The following PTPRQ variants were observed in gnomAD, a reference collection of about 807,000 sequenced individuals.
The protein encoded by PTPRQ is protein tyrosine phosphatase receptor type Q.
In PTPRQ, 199 loss-of-function variants were observed where a neutral mutation model predicts 246.0. The observed-to-expected ratio is 0.81, with a 90% CI of 0.72 to 0.91. The LOEUF (loss-of-function observed/expected upper bound fraction) is 0.91, where lower values mean the gene tolerates loss of function less well. Ranked by LOEUF, PTPRQ falls within the 40% of genes least tolerant of loss-of-function variation. The pLI is 0.00. For missense variants in PTPRQ, 2,624 were observed against 2,528.4 expected, an observed-to-expected ratio of 1.04 and a Z score of -0.81; for synonymous variants, 869 against 853.2, an observed-to-expected ratio of 1.02 and a Z score of -0.32.
At chr12:80,445,820 T>C in intron 3 of PTPRQ, 103 bp downstream of exon 3, 6 of 763,594 alleles carry the variant, frequency 7.9e-6, no homozygotes, top group South Asian at 6.3e-5. Flanking sequence ...CTGAATACAG[T>C]CAGTGACTGA....
At chr12:80,479,067 A>G (rs1326158026) in intron 8 of PTPRQ, among the ~76,000 whole-genome samples, 6 of 151,756 alleles carry the variant, frequency 4.0e-5, no homozygotes, top group South Asian at 2.1e-4. Context: ...TCCAAGACAC[A>G]TAATTGTCAG....
At chr12:80,637,197 G>T (rs1161733196) in intron 35 of PTPRQ, among the ~76,000 whole-genome samples, 1 of 52,664 alleles carries the variant, frequency 1.9e-5, no homozygotes, top group East Asian at 4.1e-4. Context: ...AAAAAGAGTA[G>T]ATTTTTTTTT....
At chr12:80,457,203 T>C (rs1285902079) in intron 3 of PTPRQ, among the ~76,000 whole-genome samples, 7 of 152,122 alleles carry the variant, frequency 4.6e-5, no homozygotes, top group Non-Finnish European at 7.4e-5. Flanking sequence ...TAAGGTACCA[T>C]ATACATGGTC....
At chr12:80,663,531 C>T (rs1371090604) in intron 39 of PTPRQ, among the ~76,000 whole-genome samples, 1 of 151,988 alleles carries the variant, frequency 6.6e-6, no homozygotes, top group Non-Finnish European at 1.5e-5. Context: ...GCATAGGACA[C>T]ACCATTGCTC....
intron 17 of PTPRQ, among the ~76,000 whole-genome samples, chr12:80,513,781 G>T (rs1895196256): frequency 6.6e-6 from 1 of 151,986 alleles, no homozygotes; most frequent in Non-Finnish European, 1.5e-5. Flanking sequence ...TCCTATTTTC[G>T]GTTTTATCCT....
chr12:80,656,024 G>A (rs1310507681), intron 38 of PTPRQ, among the ~76,000 whole-genome samples: 2 of 152,164 alleles, frequency 1.3e-5, no homozygotes. Flanking sequence ...AGTTTAGCTT[G>A]TAGTTGACTC....
intron 17 of PTPRQ, among the ~76,000 whole-genome samples, chr12:80,518,775 T>G (rs1380239581): frequency 6.6e-6 from 1 of 152,198 alleles, no homozygotes; most frequent in Non-Finnish European, 1.5e-5. Context: ...TTAGCAAGAA[T>G]GAGTTCATTG....
intron 35 of PTPRQ, among the ~76,000 whole-genome samples, chr12:80,646,196 T>C (rs1038315561): frequency 6.6e-6 from 1 of 152,292 alleles, no homozygotes; most frequent in Admixed American, 6.5e-5. Context: ...ATACTATTGA[T>C]AGTAACCAAT....
chr12:80,628,542 ATTC>A (rs1001590507), intron 33 of PTPRQ, among the ~76,000 whole-genome samples: 4 of 152,164 alleles, frequency 2.6e-5, no homozygotes, highest in African/African-American at 9.7e-5. Flanking sequence ...TAATTTTTAT[ATTC>A]TTATTTGGTT....
chr12:80,634,437 C>A (rs1899562265), intron 34 of PTPRQ, among the ~76,000 whole-genome samples: 1 of 152,022 alleles, frequency 6.6e-6, no homozygotes, highest in Admixed American at 6.6e-5. Flanking sequence ...TATCTACTCA[C>A]AATATTTTTA....
intron 43 of PTPRQ, among the ~76,000 whole-genome samples, chr12:80,676,849 A>C (rs562694960): frequency 2.6e-5 from 4 of 152,272 alleles, no homozygotes; most frequent in Non-Finnish European, 5.9e-5. Context: ...TTTGTCGGGC[A>C]TTTTATGTAT....
chr12:80,513,558 CA>C (rs1193127694), intron 17 of PTPRQ, among the ~76,000 whole-genome samples: 3 of 152,036 alleles, frequency 2.0e-5, no homozygotes, highest in African/African-American at 7.2e-5. Context: ...TTGGGAAATG[CA>C]ACATTTAGGC....
chr12:80,484,068 C>T (rs12578568), intron 8 of PTPRQ, among the ~76,000 whole-genome samples: 10,050 of 151,804 alleles, frequency 0.066, 856 homozygotes, highest in African/African-American at 0.19. Context: ...TGCAGTGGTG[C>T]AATCTCCACT....
chr12:80,480,946 C>G (rs922796538), intron 8 of PTPRQ, among the ~76,000 whole-genome samples: 1 of 152,038 alleles, frequency 6.6e-6, no homozygotes, highest in Non-Finnish European at 1.5e-5. Flanking sequence ...ACCAGAGGTA[C>G]AAGGAGGAAC....
chr12:80,639,396 AT>A (rs1007654949), intron 35 of PTPRQ, among the ~76,000 whole-genome samples: 2 of 151,874 alleles, frequency 1.3e-5, no homozygotes, highest in African/African-American at 2.4e-5. Flanking sequence ...TTAGTCCTCA[AT>A]TTTTTTTCAA....
chr12:80,630,719 AT>A (rs553420087), intron 33 of PTPRQ, among the ~76,000 whole-genome samples: 5 of 151,538 alleles, frequency 3.3e-5, no homozygotes, highest in East Asian at 1.9e-4. Flanking sequence ...CTGATTATTA[AT>A]TTTTTTTTAT....
rs145624611 is a variant in PTPRQ at position 80,463,400 on chromosome 12, C to G, written c.910+2498C>G. Among the ~76,000 whole-genome samples, 370 of 152,272 alleles carry G rather than the reference C, an allele frequency of 2.4e-3. 3 individuals carry two copies. Among genetic ancestry groups the G allele is most frequent in the African/African-American group, 8.4e-3 (348 of 41,544 alleles). On this transcript the variant is annotated intron_variant, in intron 6 of 44. Transcript: ENST00000644991. ...CCAAATCTACGTATGATTGGTATAC[C>G]TGAAAGTGATGGCGAGAATGGAATC...
chr12:80,652,795 T>C lies in PTPRQ; in HGVS notation c.6076T>C (p.Trp2026Arg). The change falls in exon 38 of 45, where the codon TGG becomes CGG. Residue 2026 changes from tryptophan to arginine, a missense_variant. By Grantham distance (101) the Trp-to-Arg change is moderately radical. Coordinates refer to ENST00000644991, the MANE Select transcript of PTPRQ (RefSeq NM_001145026.2). ...TTCTTCAACTGATGCTGATCTGCCT[T>C]GGAATAGAGCAAAAAACCGCTTCCC... ...DLSSTDADLP[W>R]NRAKNRFPNI... 1 of 1,515,942 alleles carries C rather than the reference T, an allele frequency of 6.6e-7. No individual in the cohort carries two copies. Among genetic ancestry groups the C allele is most frequent in the Non-Finnish European group, 8.8e-7 (1 of 1,132,436 alleles). 93.9% of individuals were successfully genotyped at this position (1,515,942 alleles called of 1,614,324 possible). A position where few individuals can be genotyped will look rare whatever the true frequency, so the allele number is the denominator to read the frequency against.
chr12:80,586,372 C>CT, intron 25 of PTPRQ, among the ~76,000 whole-genome samples: 1 of 151,072 alleles, frequency 6.6e-6, no homozygotes, highest in Middle Eastern at 3.4e-3. Flanking sequence ...GTTAGAATGG[C>CT]AATCATTAAA....
Sources: gnomAD v4.1 joint callset for allele counts (sites outside exome capture counted in the v4.1 genomes callset) on GRCh38, gnomAD v4.1.1 for gene constraint, MANE v1.5 for transcripts, NCBI Gene and HGNC (gene_info 2026-07-23, HGNC 2026-07-21) for gene names.